PDE4D: variants seen among roughly 807,000 people sequenced by gnomAD.
The protein encoded by PDE4D is phosphodiesterase 4D.
PDE4D carries 24 observed loss-of-function variants against 87.4 expected under a neutral mutation model. That is an observed-to-expected ratio of 0.27 (90% CI 0.20 to 0.39). The LOEUF is 0.39. Among genes scored for constraint, PDE4D ranks in the 10% least tolerant of loss-of-function variants. PDE4D has a pLI of 1.00. For synonymous variants in PDE4D, 384 were observed against 383.2 expected, an observed-to-expected ratio of 1.00 and a Z score of -0.02; for missense variants, 714 against 1,041.0, an observed-to-expected ratio of 0.69 and a Z score of 4.32.
intron 2 of PDE4D, among the ~76,000 whole-genome samples, chr5:60,017,743 G>A (rs574143414): frequency 2.6e-5 from 4 of 152,250 alleles, no homozygotes; most frequent in African/African-American, 7.2e-5. Context: ...TGTGAATAGT[G>A]CTGCAATGAA....
intron 1 of PDE4D, among the ~76,000 whole-genome samples, chr5:59,426,998 T>TACAC (rs3061709): frequency 1.6e-3 from 205 of 125,200 alleles, no homozygotes; most frequent in South Asian, 5.4e-3. Flanking sequence ...CTTGAAGCTA[T>TACAC]ACACACACAC....
rs1464627682 is a variant in PDE4D, at chr5:59,688,161, G to A, written c.455+205007C>T. On this transcript the variant is annotated intron_variant, in intron 1 of 14. Coordinates refer to ENST00000340635, the MANE Select transcript of PDE4D (RefSeq NM_001104631.2). The stretch of plus-strand genomic sequence containing the variant: ...CACTGTCAACATCGGATAGATCAAC[G>A]AGACAGAAAGTTAACAAGGTTATCC... Among the ~76,000 whole-genome samples, 7 of 152,220 alleles carry A rather than the reference G, an allele frequency of 4.6e-5. No individual in the cohort carries two copies. The East Asian group carries it at 5.8e-4, about 13-fold the overall frequency.
At chr5:59,380,462 T>C (rs1222687934) in intron 1 of PDE4D, among the ~76,000 whole-genome samples, 1 of 151,150 alleles carries the variant, frequency 6.6e-6, no homozygotes, top group Non-Finnish European at 1.5e-5. Context: ...CATGTGGCTA[T>C]TATTACAGCA....
At chr5:59,593,299 T>C (rs295947) in intron 1 of PDE4D, among the ~76,000 whole-genome samples, 148,254 of 149,438 alleles carry the variant, frequency 0.99, 73,550 homozygotes, top group East Asian at 1. Flanking sequence ...GGCATGGTGG[T>C]TCGCACCTGT....
At position 59,108,869 on chromosome 5, in the gene PDE4D, T is replaced by G. The variant is rs1409624330; in HGVS notation, c.809-69898A>C. Among the ~76,000 whole-genome samples, 3 of 142,642 alleles carry G rather than the reference T, an allele frequency of 2.1e-5. No individual in the cohort carries two copies. In the East Asian group the frequency reaches 6.1e-4, roughly 29 times the overall value. 93.6% of individuals were successfully genotyped at this position (142,642 alleles called of 152,430 possible). A position where few individuals can be genotyped will look rare whatever the true frequency, so the allele number is the denominator to read the frequency against. ...CAGTAGTGAGTGGAGATCGCACCAC[T>G]GCACTCCAGCCTGGGTGACAGAGTG... On this transcript the variant is annotated intron_variant, in intron 5 of 14. Coordinates refer to ENST00000340635, the MANE Select transcript of PDE4D (RefSeq NM_001104631.2).
chr5:59,164,778 G>A (rs1290668039), intron 5 of PDE4D, among the ~76,000 whole-genome samples: 1 of 152,060 alleles, frequency 6.6e-6, no homozygotes, highest in East Asian at 1.9e-4. Flanking sequence ...TAAACGTTGG[G>A]TAAGGAAGGC....
intron 1 of PDE4D, among the ~76,000 whole-genome samples, chr5:60,434,417 G>C (rs1052001171): frequency 1.3e-5 from 2 of 151,692 alleles, no homozygotes; most frequent in African/African-American, 4.8e-5. Flanking sequence ...GGGCTGAGGG[G>C]AAGACACCAG....
In PDE4D at chr5:59,813,445, T is replaced by TACACAC. The variant is rs35313403; in HGVS notation, c.455+79717_455+79722dup. 1.8e-3 allele frequency among the ~76,000 whole-genome samples: 263 copies of TACACAC among 143,158 alleles called. 1 individual carries two copies. Among genetic ancestry groups the TACACAC allele is most frequent in the Admixed American group, 6.0e-3 (81 of 13,498 alleles). The allele number at this position is 143,158 out of a possible 152,430, so 93.9% of individuals were successfully genotyped here. On this transcript the variant is annotated intron_variant, in intron 1 of 14. Transcript: ENST00000340635. The stretch of plus-strand genomic sequence containing the variant: ...TTCAATTTTCACAAGCATACACTTG[T>TACACAC]ACACACACACACACACACACACACA...
chr5:60,226,832 A>ATC (rs753857541), intron 1 of PDE4D, among the ~76,000 whole-genome samples: 4 of 137,600 alleles, frequency 2.9e-5, no homozygotes, highest in Non-Finnish European at 4.8e-5. Flanking sequence ...ATTTCTACAC[A>ATC]TCACACACAC....
intron 1 of PDE4D, among the ~76,000 whole-genome samples, chr5:60,343,908 C>T (rs967708464): frequency 2.0e-5 from 3 of 151,538 alleles, no homozygotes; most frequent in Non-Finnish European, 2.9e-5. Context: ...CTTTTCAGCT[C>T]TTCCCTCAGC....
intron 1 of PDE4D, among the ~76,000 whole-genome samples, chr5:59,407,261 C>T (rs369508307): frequency 2.0e-5 from 3 of 152,296 alleles, no homozygotes; most frequent in South Asian, 2.1e-4. Flanking sequence ...CCTATTGCCA[C>T]GTGAGATAGC....
chr5:59,358,239 C>A (rs1781694657), intron 1 of PDE4D, among the ~76,000 whole-genome samples: 1 of 152,180 alleles, frequency 6.6e-6, no homozygotes, highest in African/African-American at 2.4e-5. Flanking sequence ...TCACCTCTTT[C>A]TTATCAGACA....
At chr5:60,383,879 C>T (rs1762028534) in intron 1 of PDE4D, among the ~76,000 whole-genome samples, 1 of 152,132 alleles carries the variant, frequency 6.6e-6, no homozygotes, top group South Asian at 2.1e-4. Context: ...GTTGTATTCT[C>T]TCCATTTTAC....
At chr5:60,070,876 G>A (rs553963569) in intron 2 of PDE4D, among the ~76,000 whole-genome samples, 314 of 151,878 alleles carry the variant, frequency 2.1e-3, no homozygotes, top group African/African-American at 7.0e-3. Context: ...AGGTCTGTTC[G>A]GACTTTCTGC....
chr5:60,345,799 C>A (rs116580091), intron 1 of PDE4D, among the ~76,000 whole-genome samples: 4,133 of 152,080 alleles, frequency 0.027, 132 homozygotes, highest in African/African-American at 0.076. Context: ...AGGCTAGATT[C>A]CTAAAATAGG....
chr5:59,162,595 T>C (rs1478036104), intron 5 of PDE4D, among the ~76,000 whole-genome samples: 1 of 151,870 alleles, frequency 6.6e-6, no homozygotes, highest in Non-Finnish European at 1.5e-5. Context: ...TCCCAGCACT[T>C]TGGGAGGCCA....
chr5:60,246,196 AT>A (rs1327233950), intron 1 of PDE4D, among the ~76,000 whole-genome samples: 1 of 151,884 alleles, frequency 6.6e-6, no homozygotes, highest in Non-Finnish European at 1.5e-5. Context: ...ACAATATTTA[AT>A]GGATGAATTT....
intron 1 of PDE4D, among the ~76,000 whole-genome samples, chr5:59,236,743 G>T (rs1756526011): frequency 6.6e-6 from 1 of 151,874 alleles, no homozygotes; most frequent in African/African-American, 2.4e-5. Flanking sequence ...CTACGCTGCT[G>T]TTGGGATTTT....
chr5:59,066,544 T>C (rs1763966729), intron 5 of PDE4D, among the ~76,000 whole-genome samples: 1 of 152,110 alleles, frequency 6.6e-6, no homozygotes, highest in South Asian at 2.1e-4. Context: ...GAGAGGATTA[T>C]GAGAGATGGA....
Sources: gnomAD v4.1 joint callset for allele counts (sites outside exome capture counted in the v4.1 genomes callset) on GRCh38, gnomAD v4.1.1 for gene constraint, MANE v1.5 for transcripts, NCBI Gene and HGNC (gene_info 2026-07-23, HGNC 2026-07-21) for gene names.